The following STK3 variants were observed in gnomAD, a reference collection of about 807,000 sequenced individuals.
The protein encoded by STK3 is serine/threonine kinase 3.
A neutral mutation model predicts 58.0 loss-of-function variants in STK3; 41 were observed. The observed-to-expected ratio is 0.71, with a 90% CI of 0.55 to 0.92. The LOEUF (loss-of-function observed/expected upper bound fraction) is 0.92, where lower values mean the gene tolerates loss of function less well. Among genes scored for constraint, STK3 ranks in the 40% least tolerant of loss-of-function variants. The pLI is 0.00. For missense variants in STK3, 479 were observed against 602.7 expected, an observed-to-expected ratio of 0.79 and a Z score of 2.15; for synonymous variants, 170 against 191.0, an observed-to-expected ratio of 0.89 and a Z score of 0.91.
intron 8 of STK3, among the ~76,000 whole-genome samples, chr8:98,562,737 GAAA>G (rs778049177): frequency 5.2e-4 from 9 of 17,384 alleles, no homozygotes; most frequent in African/African-American, 2.6e-3. Flanking sequence ...CACAAAAAAT[GAAA>G]AAAAAAAAAA....
downstream of STK3, among the ~76,000 whole-genome samples, chr8:98,396,632 AG>A (rs1463747055): frequency 6.6e-6 from 1 of 152,246 alleles, no homozygotes; most frequent in Admixed American, 6.5e-5. Flanking sequence ...CTGCCAATCC[AG>A]GCCTTCAATA....
chr8:98,543,096 G>C (rs1810424109), intron 9 of STK3, among the ~76,000 whole-genome samples: 1 of 152,104 alleles, frequency 6.6e-6, no homozygotes, highest in African/African-American at 2.4e-5. Flanking sequence ...CCTAACCTGG[G>C]GTTGATAGAG....
At chr8:98,768,235 G>C (rs541055639) in intron 2 of STK3, among the ~76,000 whole-genome samples, 2 of 152,104 alleles carry the variant, frequency 1.3e-5, no homozygotes, top group Non-Finnish European at 2.9e-5. Flanking sequence ...GTCATTAAAA[G>C]ATGAGAAACA....
intron 4 of STK3, among the ~76,000 whole-genome samples, chr8:98,710,664 C>G (rs1174209552): frequency 6.6e-6 from 1 of 152,234 alleles, no homozygotes. Flanking sequence ...TGGGTGCAGC[C>G]CACCACAGCT....
upstream of STK3, among the ~76,000 whole-genome samples, chr8:98,826,936 T>A (rs1587716627): frequency 7.4e-6 from 1 of 134,758 alleles, no homozygotes; most frequent in Non-Finnish European, 1.5e-5. Flanking sequence ...GGCAAGAGAA[T>A]CACTTGAACC....
At chr8:98,564,900 T>A (rs920702034) in intron 8 of STK3, among the ~76,000 whole-genome samples, 2 of 152,162 alleles carry the variant, frequency 1.3e-5, no homozygotes, top group African/African-American at 2.4e-5. Context: ...TTCAAATCTG[T>A]ATTAATATTG....
chr8:98,687,168 A>G (rs1390369060), intron 6 of STK3, among the ~76,000 whole-genome samples: 1 of 152,182 alleles, frequency 6.6e-6, no homozygotes, highest in African/African-American at 2.4e-5. Flanking sequence ...AAAACCTTAA[A>G]GGCAGCTAGA....
At chr8:98,873,456 A>T (rs1313542394) in intron 3 of STK3, among the ~76,000 whole-genome samples, 1 of 152,124 alleles carries the variant, frequency 6.6e-6, no homozygotes, top group East Asian at 1.9e-4. Flanking sequence ...GTCTCCCATT[A>T]TTATTGTGTG....
At chr8:98,630,987 T>A (rs749819581) in intron 6 of STK3, among the ~76,000 whole-genome samples, 1 of 152,178 alleles carries the variant, frequency 6.6e-6, no homozygotes, top group Non-Finnish European at 1.5e-5. Flanking sequence ...TCATTCAAGA[T>A]ATCTGAGCCA....
intron 4 of STK3, 148 bp from the exon 5 acceptor site, chr8:98,707,459 G>A (rs1033703750): frequency 3.4e-6 from 2 of 588,012 alleles, no homozygotes. Flanking sequence ...CTACAGTGCA[G>A]TGGTGTGATG....
chr8:98,731,534 A>G (rs1587446812), intron 4 of STK3, among the ~76,000 whole-genome samples: 1 of 152,110 alleles, frequency 6.6e-6, no homozygotes, highest in Non-Finnish European at 1.5e-5. Context: ...CCTGGCTAAC[A>G]TGATGAAACT....
At chr8:98,569,312 A>C (rs1461744458) in intron 8 of STK3, among the ~76,000 whole-genome samples, 2 of 152,148 alleles carry the variant, frequency 1.3e-5, no homozygotes, top group African/African-American at 4.8e-5. Context: ...GAAGTAAAAC[A>C]AGAAAGACAG....
intron 6 of STK3, among the ~76,000 whole-genome samples, chr8:98,676,868 C>G (rs1563879039): frequency 6.6e-6 from 1 of 152,130 alleles, no homozygotes; most frequent in Non-Finnish European, 1.5e-5. Context: ...TAAGGCAGAT[C>G]AGAATATAGT....
intron 10 of STK3, among the ~76,000 whole-genome samples, chr8:98,481,851 G>A (rs1005575469): frequency 2.6e-5 from 4 of 152,040 alleles, no homozygotes; most frequent in South Asian, 4.1e-4. Context: ...TTTTTTCAAG[G>A]ATAGAATGAT....
At chr8:98,488,916 T>C (rs959349452) in intron 10 of STK3, among the ~76,000 whole-genome samples, 8 of 152,154 alleles carry the variant, frequency 5.3e-5, no homozygotes, top group Non-Finnish European at 8.8e-5. Context: ...CCGCATTATA[T>C]GGACGTTTCT....
Position 98,871,444 on chromosome 8 carries a change from T to G in STK3, c.110+12203A>C, listed in dbSNP as rs1837377243. Among the ~76,000 whole-genome samples the G allele has an allele frequency of 2.6e-5, 4 of 152,194 alleles. No homozygotes were observed. The South Asian group carries it at 8.3e-4, about 32-fold the overall frequency. ...TAAATTTCCTTGGGCAGTATGGCCA[T>G]TTTCTCGATATTGATTCTTGCTATC... is the stretch of plus-strand genomic sequence containing the variant. On this transcript the variant is annotated intron_variant, in intron 3 of 12. Coordinates refer to the STK3 transcript ENST00000523601.
the STK3 span, among the ~76,000 whole-genome samples, chr8:98,363,706 G>A: frequency 6.6e-6 from 1 of 152,214 alleles, no homozygotes; most frequent in Non-Finnish European, 1.5e-5. Flanking sequence ...GGCCCCAAGG[G>A]GGGCTGAGTG....
chr8:98,696,887 G>A (rs1483905068), intron 6 of STK3, among the ~76,000 whole-genome samples: 1 of 152,128 alleles, frequency 6.6e-6, no homozygotes, highest in Non-Finnish European at 1.5e-5. Flanking sequence ...GAGTTAGGGA[G>A]GATTCCCTCT....
intron 3 of STK3, among the ~76,000 whole-genome samples, chr8:98,871,445 T>A (rs1301123714): frequency 6.6e-6 from 1 of 152,194 alleles, no homozygotes; most frequent in Admixed American, 6.5e-5. Flanking sequence ...GTATGGCCAT[T>A]TTCTCGATAT....
Sources: gnomAD v4.1 joint callset for allele counts (sites outside exome capture counted in the v4.1 genomes callset) on GRCh38, gnomAD v4.1.1 for gene constraint, MANE v1.5 for transcripts, NCBI Gene and HGNC (gene_info 2026-07-23, HGNC 2026-07-21) for gene names.